Variants in TMEM132C observed in about 807,000 individuals in gnomAD.
The protein encoded by TMEM132C is transmembrane protein 132C.
In TMEM132C, 29 loss-of-function variants were observed where a neutral mutation model predicts 61.4. The observed-to-expected ratio is 0.47, with a 90% CI of 0.35 to 0.64. The LOEUF (loss-of-function observed/expected upper bound fraction) is 0.64. Ranked by LOEUF, TMEM132C falls within the 30% of genes least tolerant of loss-of-function variation. The probability of loss-of-function intolerance (pLI) is 0.00; values close to 1 mark genes in which losing one functional copy is unlikely to be tolerated. For synonymous variants in TMEM132C, 656 were observed against 633.1 expected, an observed-to-expected ratio of 1.04 and a Z score of -0.54; for missense variants, 1,408 against 1,476.9, an observed-to-expected ratio of 0.95 and a Z score of 0.76.
At chr12:128,428,980 C>T (rs116816771) in intron 2 of TMEM132C, among the ~76,000 whole-genome samples, 2,922 of 152,280 alleles carry the variant, frequency 0.019, 84 homozygotes, top group African/African-American at 0.063. Flanking sequence ...GGACATTACA[C>T]AGAGAGTCTA....
At chr12:128,308,871 G>A (rs928685282) in intron 1 of TMEM132C, among the ~76,000 whole-genome samples, 1 of 152,132 alleles carries the variant, frequency 6.6e-6, no homozygotes, top group African/African-American at 2.4e-5. Context: ...TTAGCTCTCC[G>A]GTTCAGTTAC....
intron 1 of TMEM132C, among the ~76,000 whole-genome samples, chr12:128,395,619 G>T (rs935473500): frequency 6.6e-6 from 1 of 152,162 alleles, no homozygotes; most frequent in African/African-American, 2.4e-5. Flanking sequence ...CAAAATCATC[G>T]AACACAAAGC....
chr12:128,646,378 G>C lies in TMEM132C; in HGVS notation c.1306-23039G>C, dbSNP rs537268081. Among the ~76,000 whole-genome samples the C allele has an allele frequency of 1.3e-3, 194 of 152,254 alleles. 1 individual carries two copies. Among genetic ancestry groups the C allele is most frequent in the Middle Eastern group, 6.8e-3 (2 of 294 alleles). On this transcript the variant is annotated intron_variant, in intron 4 of 8. Coordinates refer to ENST00000435159, the MANE Select transcript of TMEM132C (RefSeq NM_001136103.3). ...TGAGTGTGTTTACTGGAGTCCATCA[G>C]CGTTGGATGTGAGTGTGTTTACTAG...
At chr12:128,554,720 C>T (rs563648788) in intron 3 of TMEM132C, among the ~76,000 whole-genome samples, 1 of 152,294 alleles carries the variant, frequency 6.6e-6, no homozygotes, top group East Asian at 1.9e-4. Flanking sequence ...CTCAGCTGCC[C>T]CTCATTTTCA....
At chr12:128,348,162 A>C (rs1237578502) in intron 1 of TMEM132C, among the ~76,000 whole-genome samples, 1 of 152,226 alleles carries the variant, frequency 6.6e-6, no homozygotes, top group Non-Finnish European at 1.5e-5. Context: ...TTCCTTTGTT[A>C]AATTGATGCC....
At chr12:128,329,289 T>A (rs987012635) in intron 1 of TMEM132C, among the ~76,000 whole-genome samples, 3 of 152,036 alleles carry the variant, frequency 2.0e-5, no homozygotes, top group Non-Finnish European at 2.9e-5. Flanking sequence ...CTGTTTAAAA[T>A]ATATATATAT....
intron 1 of TMEM132C, among the ~76,000 whole-genome samples, chr12:128,295,975 A>G (rs992440110): frequency 2.0e-5 from 3 of 152,202 alleles, no homozygotes; most frequent in African/African-American, 4.8e-5. Context: ...AGTGAAATGC[A>G]TCTTGCAAGA....
intron 3 of TMEM132C, among the ~76,000 whole-genome samples, chr12:128,593,840 G>A (rs970917198): frequency 6.6e-6 from 1 of 152,078 alleles, no homozygotes; most frequent in African/African-American, 2.4e-5. Flanking sequence ...CAAACCTCCA[G>A]TGCATTTTAG....
intron 3 of TMEM132C, among the ~76,000 whole-genome samples, chr12:128,602,491 C>A (rs1876232166): frequency 6.6e-6 from 1 of 152,228 alleles, no homozygotes; most frequent in Admixed American, 6.5e-5. Flanking sequence ...CATGGCACTG[C>A]CCTGTGGGGG....
intron 2 of TMEM132C, among the ~76,000 whole-genome samples, chr12:128,529,505 C>G (rs1207907673): frequency 1.3e-5 from 2 of 152,120 alleles, no homozygotes; most frequent in African/African-American, 4.8e-5. Flanking sequence ...ATATAAGGGC[C>G]AGACGTGGTG....
chr12:128,357,619 C>A (rs1046615077), intron 1 of TMEM132C, among the ~76,000 whole-genome samples: 1 of 148,226 alleles, frequency 6.7e-6, no homozygotes, highest in African/African-American at 2.5e-5. Flanking sequence ...TGCTTGAACC[C>A]GGGAGGTGGA....
chr12:128,524,585 C>T (rs1402387021), intron 2 of TMEM132C, among the ~76,000 whole-genome samples: 2 of 152,060 alleles, frequency 1.3e-5, no homozygotes, highest in Non-Finnish European at 1.5e-5. Flanking sequence ...AAGCTACAAA[C>T]AGTAATTTGT....
At chr12:128,297,724 C>G (rs549743046) in intron 1 of TMEM132C, among the ~76,000 whole-genome samples, 1 of 152,198 alleles carries the variant, frequency 6.6e-6, no homozygotes, top group Admixed American at 6.5e-5. Flanking sequence ...CTCTTCTGAA[C>G]TTTTTCCTTC....
chr12:128,321,544 A>G (rs903928314), intron 1 of TMEM132C, among the ~76,000 whole-genome samples: 2 of 151,798 alleles, frequency 1.3e-5, no homozygotes, highest in Non-Finnish European at 2.9e-5. Flanking sequence ...TTGTGTAGAT[A>G]GAAATCTCTG....
At chr12:128,504,667 A>G (rs756000617) in intron 2 of TMEM132C, among the ~76,000 whole-genome samples, 42 of 152,068 alleles carry the variant, frequency 2.8e-4, no homozygotes, top group Non-Finnish European at 1.0e-4. Context: ...GGTCCCTGGC[A>G]TCTCTCCCTC....
intron 2 of TMEM132C, among the ~76,000 whole-genome samples, chr12:128,506,318 A>G (rs891760848): frequency 2.0e-5 from 3 of 152,210 alleles, no homozygotes; most frequent in Non-Finnish European, 2.9e-5. Context: ...ACAAAACCCT[A>G]TGAACCAGAA....
intron 2 of TMEM132C, among the ~76,000 whole-genome samples, chr12:128,518,906 C>T (rs1457743392): frequency 6.6e-6 from 1 of 152,154 alleles, no homozygotes; most frequent in Admixed American, 6.5e-5. Flanking sequence ...ATTTCTCATT[C>T]TGTCACGTGG....
At chr12:128,322,708 A>G (rs1202778475) in intron 1 of TMEM132C, among the ~76,000 whole-genome samples, 1 of 152,226 alleles carries the variant, frequency 6.6e-6, no homozygotes, top group African/African-American at 2.4e-5. Context: ...CTTGTGAAGC[A>G]TCTAGTGGGT....
intron 4 of TMEM132C, among the ~76,000 whole-genome samples, chr12:128,650,357 TG>T (rs1416896571): frequency 6.6e-6 from 1 of 152,098 alleles, no homozygotes; most frequent in Admixed American, 6.5e-5. Context: ...GAACACCTCA[TG>T]TAAGAGTCTC....
Sources: allele counts gnomAD v4.1 joint callset (sites outside exome capture counted in the v4.1 genomes callset), GRCh38; gene constraint gnomAD v4.1.1; transcripts MANE v1.5; gene names NCBI Gene and HGNC (gene_info 2026-07-23, HGNC 2026-07-21).